DNAH11: variants seen among roughly 807,000 people sequenced by gnomAD.
DNAH11 encodes the protein dynein axonemal heavy chain 11, also known as axonemal beta dynein heavy chain 11.
Under a neutral mutation model 526.0 loss-of-function variants are expected in DNAH11, and 442 were observed. That is an observed-to-expected ratio of 0.84 (90% CI 0.78 to 0.91). DNAH11 has a LOEUF of 0.91. Among genes scored for constraint, DNAH11 ranks in the 40% least tolerant of loss-of-function variants. The pLI is 0.00. For missense variants in DNAH11, 6,989 were observed against 5,448.7 expected (o/e 1.28, Z -8.90); for synonymous variants, 2,461 against 1,935.9 (o/e 1.27, Z -7.12).
At chr7:21,686,779 T>C (rs930559876) in intron 32 of DNAH11, among the ~76,000 whole-genome samples, 3 of 152,166 alleles carry the variant, frequency 2.0e-5, no homozygotes, top group Non-Finnish European at 4.4e-5. Context: ...CATATTAATA[T>C]CTTTACCTAG....
intron 57 of DNAH11, among the ~76,000 whole-genome samples, chr7:21,779,418 G>C (rs1241932000): frequency 6.6e-6 from 1 of 152,138 alleles, no homozygotes; most frequent in African/African-American, 2.4e-5. Flanking sequence ...AGTCACCTCT[G>C]AGGTTTTTAA....
At chr7:21,724,185 A>G (rs1280697785) in intron 44 of DNAH11, among the ~76,000 whole-genome samples, 1 of 152,254 alleles carries the variant, frequency 6.6e-6, no homozygotes, top group Non-Finnish European at 1.5e-5. Context: ...CCTGCAGAGA[A>G]TGGTGTCACA....
intron 68 of DNAH11, 146 bp downstream of exon 68, chr7:21,854,601 G>A (rs1425615629): frequency 7.8e-6 from 7 of 902,162 alleles, no homozygotes; most frequent in Admixed American, 3.1e-5. Flanking sequence ...CCAGGCTGGA[G>A]TGCAGTGGCG....
In DNAH11 at chr7:21,866,495, G is replaced by A. The variant is rs1783284710; in HGVS notation, c.11522G>A (p.Arg3841Gln). ...GCAATTGCCGTCATGGAAGAATTTC[G>A]AGGCATAGACCGAGATGTGGAAGGA... ...IKAIAVMEEF[R>Q]GIDRDVEGSA... Residue 3841 changes from arginine to glutamine, a missense_variant, in exon 71 of 82, where the codon CGA becomes CAA. Coordinates refer to ENST00000409508, the MANE Select transcript of DNAH11 (RefSeq NM_001277115.2). 1.2e-6 allele frequency: 2 copies of A among 1,611,248 alleles called. No homozygotes were observed. The highest frequency in any genetic ancestry group is 1.7e-6 in the Non-Finnish European group (2 of 1,179,018).
chr7:21,881,813 AC>A (rs999929550), intron 75 of DNAH11, among the ~76,000 whole-genome samples: 2 of 152,174 alleles, frequency 1.3e-5, no homozygotes, highest in African/African-American at 4.8e-5. Flanking sequence ...TAGAATAGAT[AC>A]CCTTGGTACC....
intron 42 of DNAH11, among the ~76,000 whole-genome samples, chr7:21,714,732 A>G (rs1386369725): frequency 2.0e-5 from 3 of 152,170 alleles, no homozygotes; most frequent in Non-Finnish European, 4.4e-5. Flanking sequence ...TCCTGCAATC[A>G]CTAACCATTT....
At chr7:21,816,244 C>T (rs962592167) in intron 63 of DNAH11, among the ~76,000 whole-genome samples, 1 of 152,026 alleles carries the variant, frequency 6.6e-6, no homozygotes, top group Non-Finnish European at 1.5e-5. Context: ...TTGATAAAAC[C>T]GATGTTGAAT....
intron 35 of DNAH11, among the ~76,000 whole-genome samples, chr7:21,691,238 A>G (rs999029363): frequency 1.3e-5 from 2 of 151,370 alleles, no homozygotes; most frequent in African/African-American, 4.9e-5. Flanking sequence ...TCAGGAGGAA[A>G]TGCTAACACA....
In DNAH11 at chr7:21,738,759, T is replaced by C. The variant is rs770176609; in HGVS notation, c.7704T>C (p.Asn2568=). The change falls in exon 47 of 82, where the codon AAT becomes AAC. Residue 2568 remains asparagine, a synonymous_variant. Transcript: ENST00000409508. ...KAGHNYGPGG[N]KKLIYFIDDM... ...GTCATAACTATGGTCCTGGAGGAAA[T>C]AAAAAATTGATTTATTTTATCGACG... is the stretch of plus-strand genomic sequence containing the variant. 6.3e-7 allele frequency: 1 copy of C among 1,589,770 alleles called. No individual in the cohort carries two copies. Among genetic ancestry groups the C allele is most frequent in the South Asian group, 1.2e-5 (1 of 86,798 alleles).
At position 21,865,011 on chromosome 7, in the gene DNAH11, A is replaced by C. The variant is rs1241789813; in HGVS notation, c.11496+354A>C. ...TTCCTTAAAAATTTGTTTTCTTTTTAAATCGTTTCACCATTTTTCTAAATA... is the reference window on the plus strand; with the variant it reads ...TTCCTTAAAAATTTGTTTTCTTTTTCAATCGTTTCACCATTTTTCTAAATA... On this transcript the variant is annotated intron_variant, in intron 70 of 81. Coordinates refer to ENST00000409508, the MANE Select transcript of DNAH11 (RefSeq NM_001277115.2). Among the ~76,000 whole-genome samples, 6 of 152,226 alleles carry C rather than the reference A, an allele frequency of 3.9e-5. No individual in the cohort carries two copies. The East Asian group carries it at 1.2e-3, about 29-fold the overall frequency.
At chr7:21,769,019 G>A (rs1053748962) in intron 55 of DNAH11, among the ~76,000 whole-genome samples, 2 of 151,934 alleles carry the variant, frequency 1.3e-5, no homozygotes, top group African/African-American at 4.8e-5. Context: ...ATATAAATTA[G>A]GATTATTCAA....
chr7:21,699,635 A>G (rs1209924327), intron 36 of DNAH11, among the ~76,000 whole-genome samples: 3 of 151,828 alleles, frequency 2.0e-5, no homozygotes, highest in Non-Finnish European at 2.9e-5. Flanking sequence ...ATAATTTTTA[A>G]CAGTTGTCTC....
At chr7:21,597,721 A>T (rs1784916432) in intron 14 of DNAH11, among the ~76,000 whole-genome samples, 1 of 152,330 alleles carries the variant, frequency 6.6e-6, no homozygotes, top group Non-Finnish European at 1.5e-5. Context: ...CTCCCAACAC[A>T]TGGAGATTAC....
chr7:21,664,143 T>G (rs1782338553), intron 30 of DNAH11, among the ~76,000 whole-genome samples: 1 of 151,338 alleles, frequency 6.6e-6, no homozygotes, highest in Admixed American at 6.6e-5. Flanking sequence ...AGTTTTTTTT[T>G]TTTTTTGGCT....
In DNAH11 at chr7:21,581,489, C is replaced by T. The variant is rs566558612; in HGVS notation, c.1594-416C>T. Among the ~76,000 whole-genome samples, 7 of 152,302 alleles carry T rather than the reference C, an allele frequency of 4.6e-5. No individual in the cohort carries two copies. In the South Asian group the frequency reaches 1.5e-3, roughly 32 times the overall value. On this transcript the variant is annotated intron_variant, in intron 8 of 81. Coordinates refer to ENST00000409508, the MANE Select transcript of DNAH11 (RefSeq NM_001277115.2). Reference sequence around the variant, plus strand: ...ATGAAAAAACAAACAAAAACCCTTCCTATTTAAACTTATAGATGGACTAAA... The same window carrying T: ...ATGAAAAAACAAACAAAAACCCTTCTTATTTAAACTTATAGATGGACTAAA...
chr7:21,654,422 C>T (rs890256517), intron 28 of DNAH11, among the ~76,000 whole-genome samples: 8 of 152,160 alleles, frequency 5.3e-5, no homozygotes, highest in Non-Finnish European at 1.2e-4. Flanking sequence ...CAGTAATATT[C>T]CTTTTAATGA....
At position 21,704,640 on chromosome 7, in the gene DNAH11, A is replaced by G. The variant is rs2128479156; in HGVS notation, c.6468+12A>G. 1.9e-6 allele frequency: 3 copies of G among 1,582,402 alleles called. No homozygotes were observed. Among genetic ancestry groups the G allele is most frequent in the South Asian group, 1.2e-5 (1 of 84,326 alleles). Reference sequence around the variant, plus strand: ...GCTTCATCCTCAAAGTAAAAGGAGCATTTGCTTTTCATGGCAGCTGTTGGG... The same window carrying G: ...GCTTCATCCTCAAAGTAAAAGGAGCGTTTGCTTTTCATGGCAGCTGTTGGG... On this transcript the variant is annotated intron_variant, in intron 38 of 81. Transcript: ENST00000409508.
intron 57 of DNAH11, among the ~76,000 whole-genome samples, chr7:21,782,892 A>G (rs1335389783): frequency 1.4e-5 from 2 of 146,682 alleles, no homozygotes; most frequent in East Asian, 4.0e-4. Flanking sequence ...CCTGGGTGAC[A>G]GAACGAAACT....
At chr7:21,628,709 T>G (rs1786463588) in intron 25 of DNAH11, among the ~76,000 whole-genome samples, 1 of 152,096 alleles carries the variant, frequency 6.6e-6, no homozygotes, top group Non-Finnish European at 1.5e-5. Context: ...TGTAGAGAAT[T>G]GTGGCATCTA....
Sources: gnomAD v4.1 joint callset for allele counts (sites outside exome capture counted in the v4.1 genomes callset) on GRCh38, gnomAD v4.1.1 for gene constraint, MANE v1.5 for transcripts, NCBI Gene and HGNC (gene_info 2026-07-23, HGNC 2026-07-21) for gene names.